Variants in NF2 observed in about 807,000 individuals in gnomAD.
The protein encoded by NF2 is merlin.
NF2 carries 8 observed loss-of-function variants against 83.7 expected under a neutral mutation model. The observed-to-expected ratio is 0.10, with a 90% CI of 0.06 to 0.17. NF2 has a LOEUF of 0.17. NF2 is among the 10% of genes least tolerant of loss of function. The pLI is 1.00. For missense variants in NF2, 533 were observed against 744.4 expected (o/e 0.72, Z 3.31); for synonymous variants, 266 against 269.6 (o/e 0.99, Z 0.13).
intron 1 of NF2, among the ~76,000 whole-genome samples, chr22:29,621,842 CTT>C (rs2065224621): frequency 6.6e-6 from 1 of 152,174 alleles, no homozygotes. Flanking sequence ...AGGCTGTTCT[CTT>C]TGCCTGGAAT....
intron 10 of NF2, among the ~76,000 whole-genome samples, chr22:29,671,374 C>T (rs950189606): frequency 1.3e-5 from 2 of 152,102 alleles, no homozygotes; most frequent in African/African-American, 4.8e-5. Context: ...ACTAAAAATA[C>T]AAAAATTAGC....
At chr22:29,620,102 C>G (rs1008142495) in intron 1 of NF2, among the ~76,000 whole-genome samples, 1 of 151,918 alleles carries the variant, frequency 6.6e-6, no homozygotes, top group African/African-American at 2.4e-5. Flanking sequence ...CTACTGAAAA[C>G]ACAAAAATTA....
rs140464517 is a variant in NF2 at position 29,609,719 on chromosome 22, G to C, written c.114+5607G>C. On this transcript the variant is annotated intron_variant, in intron 1 of 15. Transcript: ENST00000338641. ...TGATGCAATTTAATGATTAGTGAGTGAGATACTGTTTTTATTGAGAGCCTT... is the reference window on the plus strand; with the variant it reads ...TGATGCAATTTAATGATTAGTGAGTCAGATACTGTTTTTATTGAGAGCCTT... 2.0e-3 allele frequency among the ~76,000 whole-genome samples: 303 copies of C among 152,282 alleles called. 3 individuals are homozygous for C. The highest frequency in any genetic ancestry group is 7.0e-3 in the African/African-American group (291 of 41,560).
At chr22:29,664,851 C>G (rs2066573487) in intron 8 of NF2, 139 bp from the exon 9 acceptor site, 3 of 728,210 alleles carry the variant, frequency 4.1e-6, no homozygotes, top group Middle Eastern at 2.3e-4. Flanking sequence ...AGGTTTAGTG[C>G]CTGGATACTG....
In NF2 at chr22:29,668,391, C is replaced by A; in HGVS notation, c.944C>A (p.Ser315Tyr). ...DLFMRRRKAD[S>Y]LEVQQMKAQA... Reference sequence around the variant, plus strand: ...TTTATGAGGAGAAGGAAAGCCGATTCTTTGGAAGTTCAGCAGATGAAAGCC... The same window carrying A: ...TTTATGAGGAGAAGGAAAGCCGATTATTTGGAAGTTCAGCAGATGAAAGCC... Residue 315 changes from serine to tyrosine, a missense_variant, in exon 10 of 16, where the codon TCT (serine) becomes TAT (tyrosine). This residue lies in a region of NF2 where 326 missense variants were observed against 475.1 expected (regional missense o/e 0.69). Transcript: ENST00000338641. 2 of 1,613,954 alleles carry A rather than the reference C, an allele frequency of 1.2e-6. No homozygotes were observed. Among genetic ancestry groups the A allele is most frequent in the South Asian group, 1.1e-5 (1 of 91,052 alleles).
intron 1 of NF2, among the ~76,000 whole-genome samples, chr22:29,619,336 C>T (rs543526050): frequency 2.6e-5 from 4 of 150,948 alleles, no homozygotes; most frequent in African/African-American, 7.3e-5. Flanking sequence ...CGAGCCACTA[C>T]GCCTGGCCTG....
intron 4 of NF2, among the ~76,000 whole-genome samples, chr22:29,647,042 A>AG (rs2066002862): frequency 6.6e-6 from 1 of 151,840 alleles, no homozygotes; most frequent in African/African-American, 2.4e-5. Flanking sequence ...TCTCAAAAAA[A>AG]AAAAAAAAAA....
rs1320932706 is a variant in NF2, at chr22:29,697,730, C to G, written c.*2928C>G. 2.8e-5 allele frequency: 5 copies of G among 175,760 alleles called. No homozygotes were observed. Among genetic ancestry groups the G allele is most frequent in the African/African-American group, 1.2e-4 (5 of 42,154 alleles). The allele number at this position is 175,760 out of a possible 1,614,324, so 10.9% of individuals were successfully genotyped here. On this transcript the variant is annotated 3_prime_UTR_variant, in exon 16 of 16. Transcript: ENST00000338641. ...TACAGGCACGCACCTCCACGTCCGGCTAATTTTGTATTTTTAGTGGAGACG... is the reference window on the plus strand; with the variant it reads ...TACAGGCACGCACCTCCACGTCCGGGTAATTTTGTATTTTTAGTGGAGACG...
At position 29,649,707 on chromosome 22, in the gene NF2, A is replaced by G. The variant is rs1362982086; in HGVS notation, c.448-4950A>G. ...CAGTGAGCTGAGATTGCACCCCTGC[A>G]CTCTAGCCTGGGGTGACAGAGTGAG... On this transcript the variant is annotated intron_variant, in intron 4 of 15. Coordinates refer to ENST00000338641, the MANE Select transcript of NF2 (RefSeq NM_000268.4). Among the ~76,000 whole-genome samples, 5 of 151,782 alleles carry G rather than the reference A, an allele frequency of 3.3e-5. No individual in the cohort carries two copies. In the East Asian group the frequency reaches 9.7e-4, roughly 29 times the overall value.
At chr22:29,606,987 T>A (rs566702204) in intron 1 of NF2, among the ~76,000 whole-genome samples, 1 of 152,274 alleles carries the variant, frequency 6.6e-6, no homozygotes, top group African/African-American at 2.4e-5. Context: ...GAAGTTGCAG[T>A]GAGCCAAGAT....
intron 4 of NF2, among the ~76,000 whole-genome samples, chr22:29,644,014 G>C (rs1213291061): frequency 6.6e-6 from 1 of 150,940 alleles, no homozygotes; most frequent in African/African-American, 2.4e-5. Flanking sequence ...GGCCTGGCCG[G>C]GGGGCTGACC....
intron 4 of NF2, among the ~76,000 whole-genome samples, 189 bp downstream of exon 4, chr22:29,642,474 A>ATGTGTGTGTGTGTG (rs367627235): frequency 6.6e-6 from 1 of 150,644 alleles, no homozygotes; most frequent in Admixed American, 6.6e-5. Context: ...TTGTGTGTGT[A>ATGTGTGTGTGTGTG]TGTGTGTGTG....
intron 15 of NF2, among the ~76,000 whole-genome samples, chr22:29,691,628 A>G (rs377567451): frequency 2.0e-5 from 3 of 152,188 alleles, no homozygotes; most frequent in Non-Finnish European, 4.4e-5. Flanking sequence ...CTTCCTGCCT[A>G]TGGGTGTACT....
At chr22:29,631,987 G>A (rs894558428) in intron 1 of NF2, among the ~76,000 whole-genome samples, 1 of 152,176 alleles carries the variant, frequency 6.6e-6, no homozygotes, top group Non-Finnish European at 1.5e-5. Context: ...TCCATCTTAG[G>A]TAACAATTTA....
chr22:29,665,372 T>G (rs2147035713), intron 9 of NF2, among the ~76,000 whole-genome samples: 1 of 152,156 alleles, frequency 6.6e-6, no homozygotes, highest in African/African-American at 2.4e-5. Context: ...GCCTCCCAAG[T>G]AGCTGGGATT....
intron 14 of NF2, among the ~76,000 whole-genome samples, chr22:29,681,083 G>A (rs1322699127): frequency 6.6e-6 from 1 of 150,746 alleles, no homozygotes; most frequent in African/African-American, 2.4e-5. Context: ...TAGAGACAGG[G>A]TCTTGCTATG....
chr22:29,667,464 C>T (rs771688833), intron 9 of NF2, among the ~76,000 whole-genome samples: 7 of 152,146 alleles, frequency 4.6e-5, no homozygotes, highest in Non-Finnish European at 1.0e-4. Flanking sequence ...TTGTCTTAAA[C>T]TCCTGGGCTC....
intron 1 of NF2, among the ~76,000 whole-genome samples, chr22:29,634,195 G>A (rs2065589198): frequency 6.6e-6 from 1 of 152,066 alleles, no homozygotes. Context: ...GCACAAAAAG[G>A]GTATGAGTCT....
At chr22:29,651,532 G>A (rs1399757901) in intron 4 of NF2, among the ~76,000 whole-genome samples, 2 of 152,210 alleles carry the variant, frequency 1.3e-5, no homozygotes, top group East Asian at 1.9e-4. Flanking sequence ...ACGATGAGGA[G>A]CAGCCATCTC....
Sources: gnomAD v4.1 joint callset for allele counts (sites outside exome capture counted in the v4.1 genomes callset) on GRCh38, gnomAD v4.1.1 for gene constraint, gnomAD v4.1.1 regional missense constraint, MANE v1.5 for transcripts, NCBI Gene and HGNC (gene_info 2026-07-23, HGNC 2026-07-21) for gene names.